Variants in SNAP47 observed in about 807,000 individuals in gnomAD.
SNAP47 encodes synaptosomal-associated protein 47.
SNAP47 carries 20 observed loss-of-function variants against 31.4 expected under a neutral mutation model. The observed-to-expected ratio is 0.64, with a 90% CI of 0.45 to 0.93. SNAP47 has a LOEUF of 0.93. Among genes scored for constraint, SNAP47 ranks in the 40% least tolerant of loss-of-function variants. The pLI, the probability that SNAP47 is intolerant of heterozygous loss-of-function variation, is 0.00. For missense variants in SNAP47, 492 were observed against 528.5 expected (o/e 0.93, Z 0.68); for synonymous variants, 194 against 213.4 (o/e 0.91, Z 0.79).
At chr1:227,753,804 G>A (rs1048187897) in intron 2 of SNAP47, among the ~76,000 whole-genome samples, 3 of 151,994 alleles carry the variant, frequency 2.0e-5, no homozygotes, top group Admixed American at 6.5e-5. Flanking sequence ...TCAGTGCCCT[G>A]CTGCCCAAAC....
chr1:227,780,596 G>C lies in SNAP47; in HGVS notation c.1183G>C (p.Asp395His). The change falls in exon 5 of 5, where the codon GAT (aspartate) becomes CAT (histidine). Residue 395 changes from aspartate (D) to histidine (H), a missense_variant. Transcript: ENST00000617596. ...GCTGGAGAGACAAGACGAAGCCCTG[G>C]ATGGCGTTGCAGCAGCTGTGGACAG... ...SELERQDEAL[D>H]GVAAAVDRAT... 1 of 1,614,218 alleles carries C rather than the reference G, an allele frequency of 6.2e-7. No homozygotes were observed. The highest frequency in any genetic ancestry group is 8.5e-7 in the Non-Finnish European group (1 of 1,180,038).
chr1:227,745,226 C>T (rs1438943570), intron 1 of SNAP47, among the ~76,000 whole-genome samples: 1 of 152,142 alleles, frequency 6.6e-6, no homozygotes, highest in Admixed American at 6.5e-5. Flanking sequence ...GAAATACCAA[C>T]GAATCAAAAC....
chr1:227,774,685 G>T (rs1664046302), intron 4 of SNAP47, among the ~76,000 whole-genome samples: 1 of 152,262 alleles, frequency 6.6e-6, no homozygotes, highest in Non-Finnish European at 1.5e-5. Flanking sequence ...AGTGGGTTTT[G>T]TGGGGCTGTG....
At position 227,767,069 on chromosome 1, in the gene SNAP47, C is replaced by T. The variant is rs549839810; in HGVS notation, c.1099C>T (p.Gln367Ter). The T allele has an allele frequency of 6.2e-7, 1 of 1,614,096 alleles. No homozygotes were observed. The highest frequency in any genetic ancestry group is 1.1e-5 in the South Asian group (1 of 91,078). Residue 367 changes from glutamine to a stop codon, truncating the protein, a stop_gained, in exon 4 of 5, where the codon CAG becomes TAG. Coordinates refer to ENST00000617596, the MANE Select transcript of SNAP47 (RefSeq NM_053052.4). LOFTEE classifies it high-confidence loss of function. ...SLPALSEADT[Q>*]ELTQILRRMK... The stretch of plus-strand genomic sequence containing the variant: ...GCCAGCCCTTTCTGAGGCAGATACC[C>T]AGGAACTAACCCAGGTAAGATGTCC...
intron 2 of SNAP47, among the ~76,000 whole-genome samples, chr1:227,753,989 G>A (rs1010778908): frequency 6.6e-6 from 1 of 152,196 alleles, no homozygotes; most frequent in African/African-American, 2.4e-5. Context: ...TCTCTACCCT[G>A]TTGCAAGGAC....
rs1360212638 is a variant in SNAP47, at chr1:227,780,979, T to TC, written c.*306_*307insC. 1.6e-5 allele frequency: 6 copies of TC among 375,548 alleles called. No homozygotes were observed. The highest frequency in any genetic ancestry group is 2.4e-5 in the Non-Finnish European group (5 of 204,552). The allele number at this position is 375,548 out of a possible 1,614,324, so 23.3% of individuals were successfully genotyped here. A position where few individuals can be genotyped will look rare whatever the true frequency, so the allele number is the denominator to read the frequency against. On this transcript the variant is annotated 3_prime_UTR_variant, in exon 5 of 5. Transcript: ENST00000617596. ...AGGCCTGGAAGAGGCCGCCCTCGTC[T>TC]TGTCTCGGCTCCCTTTCATGGACAG... is the stretch of plus-strand genomic sequence containing the variant.
At chr1:227,745,206 A>G (rs563149551) in intron 1 of SNAP47, among the ~76,000 whole-genome samples, 31 of 152,332 alleles carry the variant, frequency 2.0e-4, no homozygotes, top group African/African-American at 7.2e-4. Flanking sequence ...TAATTGAACC[A>G]TTATGTACAG....
At chr1:227,729,624 A>G (rs1660511694) in intron 1 of SNAP47, among the ~76,000 whole-genome samples, 1 of 152,150 alleles carries the variant, frequency 6.6e-6, no homozygotes, top group Admixed American at 6.5e-5. Context: ...CGGCTGGGTC[A>G]GCAGGCGGAA....
chr1:227,760,578 G>A (rs1662997824), intron 3 of SNAP47, among the ~76,000 whole-genome samples: 1 of 152,186 alleles, frequency 6.6e-6, no homozygotes, highest in Admixed American at 6.5e-5. Context: ...CTCCTCCCTA[G>A]CACAGGACCG....
chr1:227,775,769 C>A (rs1392883867), intron 4 of SNAP47: 3 of 1,302,130 alleles, frequency 2.3e-6, no homozygotes, highest in Non-Finnish European at 3.0e-6. Flanking sequence ...ATGCTAAATT[C>A]TCTTGTTTTT....
At chr1:227,734,914 C>T (rs1013045296), upstream of SNAP47, 96 of 1,538,306 alleles carry the variant, frequency 6.2e-5, no homozygotes, top group Non-Finnish European at 7.5e-5. Context: ...GCCTGGCCTC[C>T]CTCACCCTCC....
intron 4 of SNAP47, among the ~76,000 whole-genome samples, chr1:227,777,664 C>T (rs146657752): frequency 0.012 from 1,900 of 152,272 alleles, 21 homozygotes; most frequent in Non-Finnish European, 0.019. Context: ...TATTTGTTTT[C>T]CCTATCATTT....
At chr1:227,780,461 A>G in intron 4 of SNAP47, 66 bp from the exon 5 acceptor site, 1 of 1,596,542 alleles carries the variant, frequency 6.3e-7, no homozygotes. Context: ...TGAGAGGGGG[A>G]GATGTTGTCT....
intron 4 of SNAP47, chr1:227,775,815 CCAGA>C: frequency 7.7e-7 from 1 of 1,304,182 alleles, no homozygotes; most frequent in Non-Finnish European, 1.0e-6. Flanking sequence ...CGCTGTCAAC[CCAGA>C]CAGTGTTGGT....
intron 1 of SNAP47, among the ~76,000 whole-genome samples, chr1:227,738,844 T>G (rs1350229107): frequency 6.6e-6 from 1 of 152,202 alleles, no homozygotes; most frequent in Non-Finnish European, 1.5e-5. Context: ...GCTCCGTGGT[T>G]GAGCCTGTTT....
chr1:227,732,673 T>A (rs749984227), upstream of SNAP47: 1 of 1,612,540 alleles, frequency 6.2e-7, no homozygotes, highest in South Asian at 1.1e-5. Flanking sequence ...GACCTCATGA[T>A]GACCTGGGCA....
chr1:227,764,387 G>T (rs1663254562), intron 3 of SNAP47, among the ~76,000 whole-genome samples: 1 of 152,150 alleles, frequency 6.6e-6, no homozygotes, highest in Non-Finnish European at 1.5e-5. Context: ...TAAAATTCCA[G>T]AACGGCCTGA....
At chr1:227,736,672 GTTTT>G (rs1661207703) in intron 1 of SNAP47, among the ~76,000 whole-genome samples, 1 of 137,688 alleles carries the variant, frequency 7.3e-6, no homozygotes, top group Non-Finnish European at 1.6e-5. Context: ...GCTTAGTTTT[GTTTT>G]TTTGTTTTTG....
chr1:227,759,776 C>G, intron 3 of SNAP47: 1 of 425,396 alleles, frequency 2.4e-6, no homozygotes, highest in East Asian at 4.7e-5. Context: ...CACCAAAGCT[C>G]ATGTGGAAAT....
Sources: gnomAD v4.1 joint callset for allele counts (sites outside exome capture counted in the v4.1 genomes callset) on GRCh38, gnomAD v4.1.1 for gene constraint, MANE v1.5 for transcripts, NCBI Gene and HGNC (gene_info 2026-07-23, HGNC 2026-07-21) for gene names.